KCNH5: variants seen among roughly 807,000 people sequenced by gnomAD.
The protein encoded by KCNH5 is voltage-gated delayed rectifier potassium channel KCNH5.
KCNH5 carries 46 observed loss-of-function variants against 96.1 expected under a neutral mutation model. That is an observed-to-expected ratio of 0.48 (90% confidence interval 0.38 to 0.61). KCNH5 has a LOEUF of 0.61. KCNH5 is among the 20% of genes least tolerant of loss of function. The probability of loss-of-function intolerance (pLI) is 0.00; values close to 1 mark genes in which losing one functional copy is unlikely to be tolerated. For synonymous variants in KCNH5, 439 were observed against 449.8 expected, an observed-to-expected ratio of 0.98 and a Z score of 0.30; for missense variants, 907 against 1,225.8, an observed-to-expected ratio of 0.74 and a Z score of 3.88.
intron 7 of KCNH5, among the ~76,000 whole-genome samples, chr14:62,914,148 C>T (rs535816211): frequency 3.9e-5 from 6 of 152,154 alleles, no homozygotes; most frequent in East Asian, 1.9e-4. Context: ...GTATAAAGAG[C>T]TCTTGCATGC....
intron 10 of KCNH5, among the ~76,000 whole-genome samples, chr14:62,727,295 G>A (rs530263103): frequency 3.9e-5 from 6 of 152,196 alleles, no homozygotes; most frequent in African/African-American, 1.2e-4. Context: ...AACCTGGGAC[G>A]TGGGGGTGAC....
At chr14:62,890,360 A>T (rs1323567397) in intron 7 of KCNH5, among the ~76,000 whole-genome samples, 1 of 152,164 alleles carries the variant, frequency 6.6e-6, no homozygotes, top group African/African-American at 2.4e-5. Context: ...TCCATCATCT[A>T]TAAGGAACTT....
intron 7 of KCNH5, among the ~76,000 whole-genome samples, chr14:62,946,962 T>C (rs1276130244): frequency 6.6e-6 from 1 of 152,122 alleles, no homozygotes; most frequent in Non-Finnish European, 1.5e-5. Context: ...GACAGCTTTG[T>C]GGTAAAGGAA....
At chr14:62,841,067 G>A (rs965834524) in intron 8 of KCNH5, among the ~76,000 whole-genome samples, 1 of 151,708 alleles carries the variant, frequency 6.6e-6, no homozygotes, top group African/African-American at 2.4e-5. Context: ...ATCAGCCTGA[G>A]CCAAAAGACA....
intron 10 of KCNH5, among the ~76,000 whole-genome samples, chr14:62,714,046 G>A (rs550978645): frequency 6.6e-6 from 1 of 152,162 alleles, no homozygotes; most frequent in Admixed American, 6.5e-5. Context: ...CCTTTGGGAG[G>A]CCAAAGTGGG....
chr14:63,024,586 G>A (rs1891492057), intron 1 of KCNH5, among the ~76,000 whole-genome samples: 3 of 151,936 alleles, frequency 2.0e-5, no homozygotes, highest in African/African-American at 4.8e-5. Context: ...AGAAATCAAA[G>A]AGGAGACAAT....
Position 62,708,031 on chromosome 14 carries a change from T to C in KCNH5, c.2444A>G (p.Lys815Arg), listed in dbSNP as rs777627951. ...NGNGKGWLRLKNNMGAHEEKK... is the reference protein window; with the variant it reads ...NGNGKGWLRLRNNMGAHEEKK... ...CTCCTCATGGGCTCCCATATTATTC[T>C]TGAGTCGCAGCCACCCTTTTCCATT... The change falls in exon 11 of 11, where the codon AAG becomes AGG. Residue 815 changes from lysine (K) to arginine (R), a missense_variant. Lys to Arg is a conservative substitution (Grantham distance 26, BLOSUM62 2). This residue lies in a region of KCNH5 where 362 missense variants were observed against 394.4 expected (regional missense o/e 0.92). Coordinates refer to ENST00000322893, the MANE Select transcript of KCNH5 (RefSeq NM_139318.5). 1 of 1,614,248 alleles carries C rather than the reference T, an allele frequency of 6.2e-7. No homozygotes were observed. Among genetic ancestry groups the C allele is most frequent in the Non-Finnish European group, 8.5e-7 (1 of 1,180,044 alleles).
intron 7 of KCNH5, among the ~76,000 whole-genome samples, chr14:62,921,357 A>G (rs987106517): frequency 1.3e-5 from 2 of 152,162 alleles, no homozygotes; most frequent in African/African-American, 4.8e-5. Flanking sequence ...ACAGGAAAGT[A>G]TGATTTATGT....
rs1886557574 is a variant in KCNH5, at chr14:62,797,140, C to G, written c.1822+5189G>C. On this transcript the variant is annotated intron_variant, in intron 9 of 10. Coordinates refer to ENST00000322893, the MANE Select transcript of KCNH5 (RefSeq NM_139318.5). Reference sequence around the variant, plus strand: ...TATTAAGAATAGGATTAAAAGATATCAAGGGGATAGGATAAATTAGTTTTG... The same window carrying G: ...TATTAAGAATAGGATTAAAAGATATGAAGGGGATAGGATAAATTAGTTTTG... 2.6e-5 allele frequency among the ~76,000 whole-genome samples: 4 copies of G among 151,952 alleles called. No individual in the cohort carries two copies. In the South Asian group the frequency reaches 8.3e-4, roughly 32 times the overall value.
rs200382362 is a variant in KCNH5, at chr14:62,707,587, G to C, written c.2888C>G (p.Pro963Arg). The C allele has an allele frequency of 3.9e-6, 6 of 1,531,652 alleles. No homozygotes were observed. The highest frequency in any genetic ancestry group is 2.3e-5 in the East Asian group (1 of 43,960). 94.9% of individuals were successfully genotyped at this position (1,531,652 alleles called of 1,614,324 possible). ...PKSQMPLQVP[P>R]QIPCQDIFSV... The stretch of plus-strand genomic sequence containing the variant: ...AAAAATATCCTGACATGGTATCTGG[G>C]GGGGTACTTGGAGTGGCATTTGGGA... Residue 963 changes from proline to arginine, a missense_variant, in exon 11 of 11, where the codon CCC (proline) becomes CGC (arginine). By Grantham distance (103) the Pro-to-Arg change is moderately radical. Transcript: ENST00000322893.
intron 6 of KCNH5, among the ~76,000 whole-genome samples, chr14:62,966,581 G>A (rs150890398): frequency 2.6e-5 from 4 of 152,264 alleles, no homozygotes; most frequent in East Asian, 1.9e-4. Flanking sequence ...ACATTAACAC[G>A]ACTTTGGACT....
chr14:62,991,215 T>C (rs1388420465), intron 4 of KCNH5, among the ~76,000 whole-genome samples: 1 of 152,072 alleles, frequency 6.6e-6, no homozygotes, highest in Non-Finnish European at 1.5e-5. Flanking sequence ...AGCATCTGCA[T>C]TATATGTAAA....
chr14:63,011,642 A>G (rs181412452), intron 2 of KCNH5, among the ~76,000 whole-genome samples: 159 of 152,302 alleles, frequency 1.0e-3, no homozygotes, highest in East Asian at 7.1e-3. Flanking sequence ...TGGTTGATCC[A>G]TGACATGTAA....
chr14:62,711,159 G>A (rs1884558375), intron 10 of KCNH5, among the ~76,000 whole-genome samples: 1 of 152,144 alleles, frequency 6.6e-6, no homozygotes, highest in South Asian at 2.1e-4. Context: ...TTGTAAGACT[G>A]TAACATGTCC....
intron 7 of KCNH5, among the ~76,000 whole-genome samples, chr14:62,901,908 C>G (rs1156387609): frequency 6.6e-6 from 1 of 152,118 alleles, no homozygotes. Context: ...TTTTTAGTAA[C>G]AGTAATTCTG....
At chr14:62,924,444 T>C (rs1889435036) in intron 7 of KCNH5, among the ~76,000 whole-genome samples, 1 of 151,978 alleles carries the variant, frequency 6.6e-6, no homozygotes, top group South Asian at 2.1e-4. Flanking sequence ...AGAACCACCA[T>C]ATAATCCAGC....
chr14:62,871,067 A>G (rs1888243960), intron 7 of KCNH5, among the ~76,000 whole-genome samples: 1 of 152,234 alleles, frequency 6.6e-6, no homozygotes, highest in South Asian at 2.1e-4. Context: ...CTGCAATTGA[A>G]CATCCACTTG....
intron 9 of KCNH5, 43 bp from the exon 10 acceptor site, chr14:62,779,967 T>C: frequency 6.7e-7 from 1 of 1,491,830 alleles, no homozygotes; most frequent in Non-Finnish European, 9.1e-7. Context: ...TCTAACACTG[T>C]TCTTATTTAA....
intron 8 of KCNH5, among the ~76,000 whole-genome samples, chr14:62,828,893 C>T (rs1595642830): frequency 2.0e-5 from 3 of 152,106 alleles, no homozygotes; most frequent in Admixed American, 2.0e-4. Flanking sequence ...GTTCCTTCTG[C>T]CTATGAGCCT....
Sources: allele counts gnomAD v4.1 joint callset (sites outside exome capture counted in the v4.1 genomes callset), GRCh38; gene constraint gnomAD v4.1.1; regional missense constraint gnomAD v4.1.1; transcripts MANE v1.5; gene names NCBI Gene and HGNC (gene_info 2026-07-23, HGNC 2026-07-21).